FAM107B: variants seen among roughly 807,000 people sequenced by gnomAD.
FAM107B encodes the protein family with sequence similarity 107 member B.
In FAM107B, 21 loss-of-function variants were observed where a neutral mutation model predicts 31.5. The observed-to-expected ratio is 0.67, with a 90% CI of 0.47 to 0.96. The LOEUF is 0.96. Among genes scored for constraint, FAM107B ranks in the 40% least tolerant of loss-of-function variants. The pLI is 0.00. For missense variants in FAM107B, 452 were observed against 377.1 expected, an observed-to-expected ratio of 1.20 and a Z score of -1.64; for synonymous variants, 157 against 141.5, an observed-to-expected ratio of 1.11 and a Z score of -0.78.
intron 1 of FAM107B, among the ~76,000 whole-genome samples, chr10:14,734,568 C>G (rs1856254213): frequency 6.9e-6 from 1 of 145,648 alleles, no homozygotes; most frequent in Non-Finnish European, 1.5e-5. Flanking sequence ...TCCTTTTCTT[C>G]TAATGTGGCC....
At chr10:14,541,993 C>T (rs1015441021) in intron 2 of FAM107B, among the ~76,000 whole-genome samples, 2 of 152,158 alleles carry the variant, frequency 1.3e-5, no homozygotes, top group Admixed American at 6.5e-5. Context: ...CAGTGGCTCA[C>T]GCCTGTAAAT....
intron 4 of FAM107B, 73 bp downstream of exon 4, chr10:14,521,796 C>G: frequency 6.4e-7 from 1 of 1,564,956 alleles, no homozygotes; most frequent in Non-Finnish European, 8.6e-7. Flanking sequence ...CTGGTAAATC[C>G]TGCCCGCTCC....
chr10:14,719,457 C>T (rs1364177821), intron 1 of FAM107B, among the ~76,000 whole-genome samples: 1 of 152,080 alleles, frequency 6.6e-6, no homozygotes, highest in Non-Finnish European at 1.5e-5. Context: ...CATGTTCTTT[C>T]AACGAACATA....
chr10:14,719,950 T>G (rs931948212), intron 1 of FAM107B, among the ~76,000 whole-genome samples: 1 of 152,212 alleles, frequency 6.6e-6, no homozygotes, highest in African/African-American at 2.4e-5. Context: ...GTGTGGGCTC[T>G]TTTCCTCACT....
chr10:14,609,152 A>C (rs920148265), intron 2 of FAM107B, among the ~76,000 whole-genome samples: 3 of 152,264 alleles, frequency 2.0e-5, no homozygotes, highest in African/African-American at 7.2e-5. Flanking sequence ...TGGGACTATA[A>C]TGCAACTAAG....
chr10:14,716,553 G>A (rs2131544368), intron 1 of FAM107B, among the ~76,000 whole-genome samples: 1 of 152,326 alleles, frequency 6.6e-6, no homozygotes, highest in East Asian at 1.9e-4. Context: ...CTACTTGTGA[G>A]AAGTGAGTTC....
At chr10:14,624,528 C>A (rs963568955) in intron 2 of FAM107B, among the ~76,000 whole-genome samples, 1 of 151,798 alleles carries the variant, frequency 6.6e-6, no homozygotes, top group African/African-American at 2.4e-5. Context: ...CCTAGCTACT[C>A]GGGAGGCTGA....
At chr10:14,710,808 T>A (rs1396002477) in intron 1 of FAM107B, among the ~76,000 whole-genome samples, 2 of 152,196 alleles carry the variant, frequency 1.3e-5, no homozygotes, top group African/African-American at 4.8e-5. Flanking sequence ...GAACAATGTG[T>A]TTGTATTTTA....
intron 1 of FAM107B, among the ~76,000 whole-genome samples, chr10:14,695,387 T>A (rs183494395): frequency 2.2e-4 from 33 of 152,336 alleles, no homozygotes; most frequent in African/African-American, 7.2e-4. Flanking sequence ...TACCATGCTG[T>A]TTAATTACAT....
chr10:14,624,026 A>T (rs925503943), intron 2 of FAM107B, among the ~76,000 whole-genome samples: 6 of 152,214 alleles, frequency 3.9e-5, no homozygotes, highest in Admixed American at 3.3e-4. Context: ...AGAATGGAGC[A>T]TCACAATATA....
rs181697254 is a variant in FAM107B at position 14,572,018 on chromosome 10, G to A, written c.470-41503C>T. 9.9e-5 allele frequency: 98 copies of A among 985,362 alleles called. No homozygotes were observed. The East Asian group carries it at 8.4e-3, about 84-fold the overall frequency. The allele number at this position is 985,362 out of a possible 1,614,324, so 61.0% of individuals were successfully genotyped here. ...TCTGACTGTGGTAGTTCCTTAGAGC[G>A]GTGAAGAAAAGCACCCAAAACAAGA... is the stretch of plus-strand genomic sequence containing the variant. On this transcript the variant is annotated intron_variant, in intron 2 of 4. Transcript: ENST00000181796.
chr10:14,539,759 C>CCCT (rs1043542025), intron 2 of FAM107B, among the ~76,000 whole-genome samples: 3 of 152,108 alleles, frequency 2.0e-5, no homozygotes, highest in African/African-American at 7.2e-5. Context: ...CTATAACAGC[C>CCCT]CCTTGTCTTG....
intron 2 of FAM107B, among the ~76,000 whole-genome samples, chr10:14,658,137 C>T (rs1448771207): frequency 3.3e-5 from 5 of 152,090 alleles, no homozygotes; most frequent in South Asian, 2.1e-4. Flanking sequence ...AGAATTTATA[C>T]GACAGTGAAA....
intron 1 of FAM107B, among the ~76,000 whole-genome samples, chr10:14,677,157 C>T (rs1027327535): frequency 3.9e-5 from 6 of 152,244 alleles, no homozygotes; most frequent in African/African-American, 1.4e-4. Context: ...ATAGCTGCTA[C>T]TCTCCATTTC....
rs759426991 is a variant in FAM107B at position 14,611,948 on chromosome 10, T to C, written c.469+55686A>G. On this transcript the variant is annotated intron_variant, in intron 2 of 4. Transcript: ENST00000181796. ...CATATAAAACATTTATATGTCCTTA[T>C]ACATGTGTGTATATGTGTATGTGTG... Among the ~76,000 whole-genome samples, 3 of 152,198 alleles carry C rather than the reference T, an allele frequency of 2.0e-5. No homozygotes were observed. The South Asian group carries it at 6.2e-4, about 32-fold the overall frequency.
rs187116118 is a variant in FAM107B at position 14,521,210 on chromosome 10, C to T, written c.901G>A (p.Ala301Thr). 93 of 1,614,044 alleles carry T rather than the reference C, an allele frequency of 5.8e-5. No individual in the cohort carries two copies. Among genetic ancestry groups the T allele is most frequent in the East Asian group, 2.0e-4 (9 of 44,884 alleles). Reference sequence around the variant, plus strand: ...TCAGCCTAGGACTCCTGGGCTTGGGCGACTTCTTGGCCTGTTCTCCTGAGA... The same window carrying T: ...TCAGCCTAGGACTCCTGGGCTTGGGTGACTTCTTGGCCTGTTCTCCTGAGA... ...GNLRRTGQEVAQAQES is the reference protein window; with the variant it reads ...GNLRRTGQEVTQAQES Residue 301 changes from alanine to threonine, a missense_variant, in exon 5 of 5, where the codon GCC (alanine) becomes ACC (threonine). Transcript: ENST00000181796.
At chr10:14,736,861 T>C (rs1378940951) in intron 1 of FAM107B, among the ~76,000 whole-genome samples, 1 of 152,092 alleles carries the variant, frequency 6.6e-6, no homozygotes, top group Non-Finnish European at 1.5e-5. Context: ...AGAACAGCAG[T>C]TGAATGTTGT....
chr10:14,729,061 T>A (rs921356723), intron 1 of FAM107B, among the ~76,000 whole-genome samples: 2 of 152,130 alleles, frequency 1.3e-5, no homozygotes, highest in East Asian at 1.9e-4. Flanking sequence ...GGTGCATTCA[T>A]AACTCAATGC....
intron 2 of FAM107B, among the ~76,000 whole-genome samples, chr10:14,599,842 T>TC (rs1554838951): frequency 1.5e-5 from 2 of 135,770 alleles, no homozygotes; most frequent in Non-Finnish European, 3.2e-5. Context: ...TCACTGCTAT[T>TC]CCTTGATCTA....
Sources: allele counts gnomAD v4.1 joint callset (sites outside exome capture counted in the v4.1 genomes callset), GRCh38; gene constraint gnomAD v4.1.1; transcripts MANE v1.5; gene names NCBI Gene and HGNC (gene_info 2026-07-23, HGNC 2026-07-21).